The following PCLO variants were observed in gnomAD, a reference collection of about 807,000 sequenced individuals.
PCLO encodes piccolo presynaptic cytomatrix protein, also known as protein piccolo.
In PCLO, 82 loss-of-function variants were observed where a neutral mutation model predicts 427.5. The observed-to-expected ratio is 0.19, with a 90% CI of 0.16 to 0.23. PCLO has a LOEUF of 0.23. PCLO is among the 10% of genes least tolerant of loss of function. The pLI is 1.00. For synonymous variants in PCLO, 2,357 were observed against 2,155.4 expected (o/e 1.09, Z -2.59); for missense variants, 6,239 against 6,115.9 (o/e 1.02, Z -0.67).
In PCLO at chr7:82,978,168, A is replaced by AC. The variant is rs919981987; in HGVS notation, c.3301-11682dup. On this transcript the variant is annotated intron_variant, in intron 3 of 24. Transcript: ENST00000333891. ...TTTTTTTAATATTAGAGAGACCCCC[A>AC]CCCCCCCGGCAAAAACTCTGTATGA... 1.9e-4 allele frequency among the ~76,000 whole-genome samples: 28 copies of AC among 144,618 alleles called. 1 individual carries two copies. The highest frequency in any genetic ancestry group is 6.8e-4 in the African/African-American group (27 of 39,550). 94.9% of individuals were successfully genotyped at this position (144,618 alleles called of 152,430 possible). A position where few individuals can be genotyped will look rare whatever the true frequency, so the allele number is the denominator to read the frequency against.
chr7:82,916,210 G>A lies in PCLO; in HGVS notation c.11776C>T (p.Pro3926Ser), dbSNP rs1430856958. The A allele has an allele frequency of 6.2e-7, 1 of 1,613,582 alleles. No individual in the cohort carries two copies. The highest frequency in any genetic ancestry group is 1.7e-5 in the Admixed American group (1 of 59,978). ...ATTGTTGCCACAGCTTGGAATGTTG[G>A]CTGAGTCTGATAAGGTGAAACTTGC... is the stretch of plus-strand genomic sequence containing the variant. ...HQQVSPYQTQ[P>S]TFQAVATMSF... The change falls in exon 7 of 25, where the codon CCA becomes TCA. Residue 3926 changes from proline to serine, a missense_variant. Around this residue, in one of 5 missense-constraint regions of PCLO, gnomAD observed 680 missense variants for 677.3 expected, o/e 1.00. Transcript: ENST00000333891.
chr7:82,834,762 T>G (rs1187397217), intron 16 of PCLO, among the ~76,000 whole-genome samples: 2 of 152,142 alleles, frequency 1.3e-5, no homozygotes, highest in East Asian at 3.9e-4. Flanking sequence ...TGTCATGAGC[T>G]GTATTAGAAA....
At position 83,102,253 on chromosome 7, in the gene PCLO, A is replaced by T. The variant is rs190451508; in HGVS notation, c.3300+31997T>A. On this transcript the variant is annotated intron_variant, in intron 3 of 24. Coordinates refer to ENST00000333891, the MANE Select transcript of PCLO (RefSeq NM_033026.6). ...CCTGCAATTATTTACATATCTCATG[A>T]CCTCAAACCTTCAACAAAAAAGGTC... Among the ~76,000 whole-genome samples the T allele has an allele frequency of 5.6e-5, 8 of 143,732 alleles. No individual in the cohort carries two copies. The East Asian group carries it at 1.8e-3, about 32-fold the overall frequency. 94.3% of individuals were successfully genotyped at this position (143,732 alleles called of 152,430 possible). A position where few individuals can be genotyped will look rare whatever the true frequency, so the allele number is the denominator to read the frequency against.
intron 3 of PCLO, among the ~76,000 whole-genome samples, chr7:83,088,991 G>A (rs1214904988): frequency 6.6e-6 from 1 of 152,146 alleles, no homozygotes; most frequent in Non-Finnish European, 1.5e-5. Context: ...ATTATGATTT[G>A]TAAGTCCCTT....
At chr7:83,135,751 C>T (rs1791711189) in intron 2 of PCLO, 95 bp from the exon 3 acceptor site, 9 of 691,792 alleles carry the variant, frequency 1.3e-5, no homozygotes, top group Non-Finnish European at 1.9e-5. Flanking sequence ...AACTATGTCT[C>T]TCATCATTCA....
At chr7:82,816,030 T>G (rs1199062621) in intron 20 of PCLO, among the ~76,000 whole-genome samples, 1 of 152,124 alleles carries the variant, frequency 6.6e-6, no homozygotes, top group African/African-American at 2.4e-5. Flanking sequence ...TTTTAGTGAT[T>G]CATTATATAT....
chr7:82,870,812 A>T (rs1562828811), intron 10 of PCLO, among the ~76,000 whole-genome samples: 1 of 152,098 alleles, frequency 6.6e-6, no homozygotes, highest in Non-Finnish European at 1.5e-5. Context: ...TCAAAAGAAG[A>T]CATACAAATG....
At chr7:82,970,921 A>C (rs1405175856) in intron 3 of PCLO, among the ~76,000 whole-genome samples, 1 of 151,884 alleles carries the variant, frequency 6.6e-6, no homozygotes, top group East Asian at 1.9e-4. Flanking sequence ...TCAATTATAA[A>C]CAAACTGACC....
chr7:82,911,691 C>A (rs1416621735), intron 7 of PCLO, among the ~76,000 whole-genome samples: 2 of 152,020 alleles, frequency 1.3e-5, no homozygotes, highest in African/African-American at 4.8e-5. Context: ...GGCGTGATCT[C>A]AACTCACTGC....
chr7:82,772,713 G>GT (rs148088745), intron 22 of PCLO, among the ~76,000 whole-genome samples: 1 of 152,056 alleles, frequency 6.6e-6, no homozygotes, highest in Admixed American at 6.6e-5. Context: ...CAGAAGAAAA[G>GT]TTTTTTCTGA....
chr7:82,974,294 G>A (rs1019058167), intron 3 of PCLO, among the ~76,000 whole-genome samples: 9 of 152,184 alleles, frequency 5.9e-5, no homozygotes, highest in South Asian at 2.1e-4. Flanking sequence ...GTTGAGGCAG[G>A]AGAATCATTT....
chr7:83,031,069 G>A (rs1250903688), intron 3 of PCLO, among the ~76,000 whole-genome samples: 1 of 152,146 alleles, frequency 6.6e-6, no homozygotes. Context: ...GATCTGGGAG[G>A]AGTCACTTAG....
At chr7:83,123,464 C>T (rs766222139) in intron 3 of PCLO, among the ~76,000 whole-genome samples, 11 of 152,132 alleles carry the variant, frequency 7.2e-5, no homozygotes, top group African/African-American at 1.2e-4. Context: ...TTACCATATA[C>T]AAAAATGAAA....
At chr7:83,131,554 T>TA (rs1791573848) in intron 3 of PCLO, among the ~76,000 whole-genome samples, 1 of 151,792 alleles carries the variant, frequency 6.6e-6, no homozygotes, top group Non-Finnish European at 1.5e-5. Context: ...GCAACCAGTA[T>TA]AGGAGAAGCA....
chr7:82,769,592 G>A lies in PCLO; in HGVS notation c.15008-8099C>T, dbSNP rs898019349. On this transcript the variant is annotated intron_variant, in intron 22 of 24. Transcript: ENST00000333891. ...TAGGCAAAAGTCTCTTTAGAGGCAA[G>A]TTTTAAGTAACTGGAAATGAATACA... Among the ~76,000 whole-genome samples the A allele has an allele frequency of 2.6e-5, 4 of 152,158 alleles. No individual in the cohort carries two copies. In the East Asian group the frequency reaches 7.7e-4, roughly 29 times the overall value.
chr7:83,037,714 C>A (rs915465128), intron 3 of PCLO, among the ~76,000 whole-genome samples: 23 of 150,786 alleles, frequency 1.5e-4, no homozygotes. Context: ...TCATATTATC[C>A]TAAAATATCT....
At chr7:83,040,301 T>A (rs1788941131) in intron 3 of PCLO, among the ~76,000 whole-genome samples, 1 of 152,156 alleles carries the variant, frequency 6.6e-6, no homozygotes, top group Non-Finnish European at 1.5e-5. Flanking sequence ...AAACCTCAGA[T>A]GTTGCCCATC....
intron 2 of PCLO, among the ~76,000 whole-genome samples, chr7:83,144,675 T>C (rs1052152377): frequency 1.3e-5 from 2 of 152,184 alleles, no homozygotes; most frequent in South Asian, 4.1e-4. Flanking sequence ...AAATCTTATC[T>C]ACATTTTTCA....
chr7:83,095,294 G>C (rs1006946291), intron 3 of PCLO, among the ~76,000 whole-genome samples: 7 of 151,986 alleles, frequency 4.6e-5, no homozygotes, highest in African/African-American at 1.7e-4. Flanking sequence ...GATATGTACT[G>C]ATATGCCTTG....
Sources: gnomAD v4.1 joint callset for allele counts (sites outside exome capture counted in the v4.1 genomes callset) on GRCh38, gnomAD v4.1.1 for gene constraint, gnomAD v4.1.1 regional missense constraint, MANE v1.5 for transcripts, NCBI Gene and HGNC (gene_info 2026-07-23, HGNC 2026-07-21) for gene names.